The following GRID2 variants were observed in gnomAD, a reference collection of about 807,000 sequenced individuals.
The protein encoded by GRID2 is glutamate receptor ionotropic, delta-2.
Under a neutral mutation model 114.8 loss-of-function variants are expected in GRID2, and 33 were observed. The observed-to-expected ratio is 0.29, with a 90% CI of 0.22 to 0.38. The LOEUF is 0.38. GRID2 is among the 10% of genes least tolerant of loss of function. The pLI is 1.00. For missense variants in GRID2, 1,184 were observed against 1,257.7 expected, an observed-to-expected ratio of 0.94 and a Z score of 0.89; for synonymous variants, 505 against 449.9, an observed-to-expected ratio of 1.12 and a Z score of -1.55.
At chr4:93,244,518 AAT>A (rs1561035520) in intron 8 of GRID2, among the ~76,000 whole-genome samples, 3,672 of 46,572 alleles carry the variant, frequency 0.079, 62 homozygotes, top group Middle Eastern at 0.15. Flanking sequence ...ATAATCTATT[AAT>A]TAATAGATTA....
chr4:92,590,184 G>T lies in GRID2; in HGVS notation c.142G>T (p.Val48Phe). The change falls in exon 2 of 16, where the codon GTT (valine) becomes TTT (phenylalanine). Residue 48 changes from valine (V) to phenylalanine (F), a missense_variant. This residue lies in a region of GRID2 where 455 missense variants were observed against 429.5 expected (regional missense o/e 1.06). Coordinates refer to ENST00000282020, the MANE Select transcript of GRID2 (RefSeq NM_001510.4). ...GGATGATGAGGTATTTCGCACTGCG[G>T]TTGGTGACCTTAACCAGAATGAGGA... ...KKDDEVFRTA[V>F]GDLNQNEEIL... is the part of the protein sequence containing the mutation. 6.2e-7 allele frequency: 1 copy of T among 1,612,074 alleles called. No individual in the cohort carries two copies. The highest frequency in any genetic ancestry group is 8.5e-7 in the Non-Finnish European group (1 of 1,178,228).
chr4:93,122,890 G>GTTGTTTTTT (rs1733914534), intron 4 of GRID2, among the ~76,000 whole-genome samples: 1 of 69,804 alleles, frequency 1.4e-5, no homozygotes, highest in Non-Finnish European at 2.5e-5. Flanking sequence ...ACAGATGTGG[G>GTTGTTTTTT]TTTTTTTTTT....
chr4:93,226,555 A>G (rs1014473658), intron 7 of GRID2, among the ~76,000 whole-genome samples: 1 of 152,164 alleles, frequency 6.6e-6, no homozygotes, highest in Non-Finnish European at 1.5e-5. Flanking sequence ...GCCTCAGGCA[A>G]CCCTGCTCCC....
At chr4:92,582,911 G>A (rs779287437) in intron 1 of GRID2, among the ~76,000 whole-genome samples, 54 of 151,978 alleles carry the variant, frequency 3.6e-4, no homozygotes, top group Middle Eastern at 6.8e-3. Context: ...CAGGTGAGTC[G>A]GGGAGATTGA....
intron 10 of GRID2, among the ~76,000 whole-genome samples, chr4:93,439,712 G>A (rs1027886503): frequency 1.3e-5 from 2 of 151,956 alleles, no homozygotes; most frequent in South Asian, 2.1e-4. Flanking sequence ...TTTTTGCTGC[G>A]AGGGGAAATA....
rs185345091 is a variant in GRID2 at position 93,117,774 on chromosome 4, C to T, written c.735+6821C>T. Among the ~76,000 whole-genome samples, 29 of 152,222 alleles carry T rather than the reference C, an allele frequency of 1.9e-4. 1 individual carries two copies. The East Asian group carries it at 5.4e-3, about 28-fold the overall frequency. On this transcript the variant is annotated intron_variant, in intron 4 of 15. Transcript: ENST00000282020. ...TGTGATGTGCATCACACAGAAAATA[C>T]TTGTGTTAGATAAGCTATGTATAGG...
intron 14 of GRID2, among the ~76,000 whole-genome samples, 153 bp downstream of exon 14, chr4:93,626,588 T>C (rs2149690761): frequency 6.6e-6 from 1 of 152,314 alleles, no homozygotes; most frequent in African/African-American, 2.4e-5. Flanking sequence ...TAAGTAGTTG[T>C]TCAATAAGAC....
intron 2 of GRID2, among the ~76,000 whole-genome samples, chr4:92,723,181 T>G (rs1735894732): frequency 6.6e-6 from 1 of 152,126 alleles, no homozygotes; most frequent in Non-Finnish European, 1.5e-5. Context: ...ATTGTTGTAA[T>G]TATTTTAGAA....
chr4:92,924,893 A>G (rs1320052489), intron 2 of GRID2, among the ~76,000 whole-genome samples: 1 of 152,060 alleles, frequency 6.6e-6, no homozygotes, highest in African/African-American at 2.4e-5. Context: ...GGAAGCTGTT[A>G]ATGTGAGATA....
intron 2 of GRID2, among the ~76,000 whole-genome samples, chr4:92,956,371 T>C (rs770197463): frequency 3.3e-5 from 5 of 152,204 alleles, no homozygotes; most frequent in Non-Finnish European, 7.3e-5. Flanking sequence ...CAAAATCCTC[T>C]GGATTCTCCT....
intron 9 of GRID2, among the ~76,000 whole-genome samples, chr4:93,418,949 A>G (rs536273912): frequency 1.3e-5 from 2 of 152,074 alleles, no homozygotes; most frequent in East Asian, 3.9e-4. Flanking sequence ...GTAAGCTTCA[A>G]TTAAGACAGA....
At chr4:92,654,864 G>A (rs1732148821) in intron 2 of GRID2, among the ~76,000 whole-genome samples, 2 of 151,904 alleles carry the variant, frequency 1.3e-5, no homozygotes, top group Admixed American at 1.3e-4. Flanking sequence ...TCTTCATTCT[G>A]TTGATTGTTT....
intron 6 of GRID2, chr4:93,217,115 T>G (rs968627725): frequency 2.5e-6 from 1 of 393,832 alleles, no homozygotes; most frequent in African/African-American, 2.0e-5. Context: ...AAATTTCTAC[T>G]TGCTTAATAA....
At chr4:93,272,043 C>A (rs952364627) in intron 8 of GRID2, among the ~76,000 whole-genome samples, 3 of 152,012 alleles carry the variant, frequency 2.0e-5, no homozygotes, top group African/African-American at 7.2e-5. Flanking sequence ...AAGTTAGGAC[C>A]AGAATCCAGA....
At chr4:92,590,019 C>T (rs534329287) in intron 1 of GRID2, 112 bp from the exon 2 acceptor site, 1 of 690,962 alleles carries the variant, frequency 1.4e-6, no homozygotes, top group Non-Finnish European at 2.5e-6. Flanking sequence ...AAAGTGCATG[C>T]TCTAAGTGAA....
rs868631255 is a variant in GRID2 at position 93,133,407 on chromosome 4, A to G, written c.735+22454A>G. ...TTAAGAAACTGCATAGTTTTGTGCTATGTTTCTAAATGTCCACTTTCACCT... is the reference window on the plus strand; with the variant it reads ...TTAAGAAACTGCATAGTTTTGTGCTGTGTTTCTAAATGTCCACTTTCACCT... On this transcript the variant is annotated intron_variant, in intron 4 of 15. Coordinates refer to ENST00000282020, the MANE Select transcript of GRID2 (RefSeq NM_001510.4). 2.6e-5 allele frequency among the ~76,000 whole-genome samples: 4 copies of G among 152,150 alleles called. No individual in the cohort carries two copies. In the East Asian group the frequency reaches 7.7e-4, roughly 29 times the overall value.
intron 2 of GRID2, among the ~76,000 whole-genome samples, chr4:92,906,489 T>A (rs1248979599): frequency 7.1e-6 from 1 of 141,800 alleles, no homozygotes; most frequent in Non-Finnish European, 1.6e-5. Flanking sequence ...GGCTTATACT[T>A]AAATCTGTCT....
chr4:93,315,896 A>G (rs1301797291), intron 8 of GRID2, among the ~76,000 whole-genome samples: 1 of 152,202 alleles, frequency 6.6e-6, no homozygotes, highest in Non-Finnish European at 1.5e-5. Flanking sequence ...TAAGTGAAAT[A>G]ACCCATTGAC....
chr4:93,115,983 T>G (rs1733206760), intron 4 of GRID2, among the ~76,000 whole-genome samples: 1 of 152,180 alleles, frequency 6.6e-6, no homozygotes, highest in Admixed American at 6.6e-5. Flanking sequence ...TAATTTTTAC[T>G]TACTCTAGTA....
Sources: gnomAD v4.1 joint callset for allele counts (sites outside exome capture counted in the v4.1 genomes callset) on GRCh38, gnomAD v4.1.1 for gene constraint, gnomAD v4.1.1 regional missense constraint, MANE v1.5 for transcripts, NCBI Gene and HGNC (gene_info 2026-07-23, HGNC 2026-07-21) for gene names.